The following HSPA12A variants were observed in gnomAD, a reference collection of about 807,000 sequenced individuals.
The protein encoded by HSPA12A is heat shock protein family A (Hsp70) member 12A, also known as heat shock 70 kDa protein 12A.
Under a neutral mutation model 69.2 loss-of-function variants are expected in HSPA12A, and 28 were observed. That is an observed-to-expected ratio of 0.40 (90% CI 0.30 to 0.55). HSPA12A has a LOEUF of 0.55. Among genes scored for constraint, HSPA12A ranks in the 20% least tolerant of loss-of-function variants. The pLI, the probability that HSPA12A is intolerant of heterozygous loss-of-function variation, is 0.38. For missense variants in HSPA12A, 686 were observed against 900.7 expected (o/e 0.76, Z 3.05); for synonymous variants, 345 against 370.5 (o/e 0.93, Z 0.79).
chr10:116,746,245 C>T (rs1236695999), upstream of HSPA12A, among the ~76,000 whole-genome samples: 2 of 152,244 alleles, frequency 1.3e-5, no homozygotes, highest in East Asian at 3.9e-4. Flanking sequence ...AAGTCAGAGT[C>T]CAGAGGCAGG....
chr10:116,849,840 C>A, upstream of HSPA12A: 2 of 1,268,896 alleles, frequency 1.6e-6, no homozygotes, highest in Non-Finnish European at 2.2e-6. Context: ...GCATGCCAGC[C>A]GCCCGGGCCC....
At chr10:116,691,731 C>A (rs1849743547) in intron 6 of HSPA12A, among the ~76,000 whole-genome samples, 1 of 152,228 alleles carries the variant, frequency 6.6e-6, no homozygotes, top group South Asian at 2.1e-4. Flanking sequence ...ATGGGCTGGC[C>A]ACTGGCACTG....
chr10:116,755,559 C>T (rs1843817810), intron 2 of HSPA12A, among the ~76,000 whole-genome samples: 1 of 147,768 alleles, frequency 6.8e-6, no homozygotes, highest in Non-Finnish European at 1.5e-5. Flanking sequence ...TTGCAGTGAG[C>T]CAAGATCGTG....
At position 116,672,462 on chromosome 10, in the gene HSPA12A, C is replaced by G. The variant is rs1849112678; in HGVS notation, c.*2319G>C. ...GAAGGGTCTGATGAGGCTCCTGATC[C>G]AGGCGGTCCACGTGCGTTCAGTGTG... On this transcript the variant is annotated 3_prime_UTR_variant, in exon 12 of 12. Coordinates refer to ENST00000369209, the MANE Select transcript of HSPA12A (RefSeq NM_025015.3). 1 of 152,222 alleles carries G rather than the reference C, an allele frequency of 6.6e-6. No individual in the cohort carries two copies. Among genetic ancestry groups the G allele is most frequent in the South Asian group, 2.1e-4 (1 of 4,820 alleles). 9.4% of individuals were successfully genotyped at this position (152,222 alleles called of 1,614,324 possible).
intron 1 of HSPA12A, among the ~76,000 whole-genome samples, chr10:116,734,446 T>G (rs1430848213): frequency 2.3e-5 from 3 of 128,588 alleles, no homozygotes; most frequent in Admixed American, 1.6e-4. Context: ...CGAGACTCTG[T>G]CTAAAAAAAA....
chr10:116,681,623 A>G (rs1400028049), intron 8 of HSPA12A, among the ~76,000 whole-genome samples, 168 bp downstream of exon 8: 1 of 152,222 alleles, frequency 6.6e-6, no homozygotes, highest in Admixed American at 6.5e-5. Context: ...ACCTGGTTTT[A>G]CAACATGCAA....
intron 1 of HSPA12A, among the ~76,000 whole-genome samples, chr10:116,733,637 C>T (rs1256603323): frequency 2.0e-5 from 3 of 152,194 alleles, no homozygotes; most frequent in African/African-American, 7.2e-5. Flanking sequence ...AAATTCTGAA[C>T]ATAACTGACA....
At chr10:116,826,669 C>T (rs1048271593) in intron 2 of HSPA12A, among the ~76,000 whole-genome samples, 1 of 152,116 alleles carries the variant, frequency 6.6e-6, no homozygotes, top group African/African-American at 2.4e-5. Flanking sequence ...ATCAAATCAC[C>T]CATAATTTCT....
intron 2 of HSPA12A, among the ~76,000 whole-genome samples, chr10:116,803,447 C>T (rs1352335172): frequency 1.3e-5 from 2 of 152,178 alleles, no homozygotes; most frequent in African/African-American, 2.4e-5. Flanking sequence ...GGTATCTAAC[C>T]CCGCAGGCAC....
chr10:116,677,339 C>T (rs1325002216), intron 10 of HSPA12A, among the ~76,000 whole-genome samples: 1 of 152,190 alleles, frequency 6.6e-6, no homozygotes, highest in Non-Finnish European at 1.5e-5. Context: ...AAAGTGCACA[C>T]CAGCAGCTTC....
intron 2 of HSPA12A, among the ~76,000 whole-genome samples, chr10:116,796,641 T>C (rs569053107): frequency 4.6e-5 from 7 of 152,294 alleles, no homozygotes; most frequent in South Asian, 4.2e-4. Flanking sequence ...CGTTTAACAC[T>C]GAAAGGGAAA....
intron 5 of HSPA12A, among the ~76,000 whole-genome samples, chr10:116,695,408 G>C (rs3010469): frequency 0.52 from 79,288 of 151,552 alleles, 21,087 homozygotes; most frequent in Middle Eastern, 0.64. Context: ...TTGCGGCCAG[G>C]TGTGGTGGCT....
chr10:116,732,434 C>G (rs1174834205), intron 1 of HSPA12A, among the ~76,000 whole-genome samples: 2 of 152,066 alleles, frequency 1.3e-5, no homozygotes, highest in African/African-American at 4.8e-5. Context: ...CAGGAACCAG[C>G]CCTGGATCCT....
intron 1 of HSPA12A, among the ~76,000 whole-genome samples, chr10:116,849,203 G>A (rs1392077230): frequency 6.6e-6 from 1 of 152,216 alleles, no homozygotes; most frequent in African/African-American, 2.4e-5. Flanking sequence ...CGCGACCCCA[G>A]CCGGAATTCG....
At chr10:116,734,759 C>T (rs563693437) in intron 1 of HSPA12A, among the ~76,000 whole-genome samples, 131 of 150,918 alleles carry the variant, frequency 8.7e-4, no homozygotes, top group African/African-American at 3.0e-3. Context: ...TTTGGGAGGC[C>T]GAGGAGGGCA....
intron 2 of HSPA12A, among the ~76,000 whole-genome samples, chr10:116,780,981 C>G (rs1554891746): frequency 6.6e-6 from 1 of 152,192 alleles, no homozygotes; most frequent in African/African-American, 2.4e-5. Context: ...TAGCCCCATC[C>G]TGGCTGGGTG....
intron 1 of HSPA12A, among the ~76,000 whole-genome samples, chr10:116,741,661 T>G (rs1378028625): frequency 1.3e-5 from 2 of 151,748 alleles, no homozygotes; most frequent in East Asian, 4.0e-4. Context: ...GCAACCCCCT[T>G]CCCCGTCCTC....
chr10:116,712,229 A>G (rs562853384), intron 1 of HSPA12A, among the ~76,000 whole-genome samples: 1 of 152,346 alleles, frequency 6.6e-6, no homozygotes, highest in East Asian at 1.9e-4. Context: ...GAACATAAAA[A>G]TAAGGTGATG....
chr10:116,812,023 T>C (rs1845199118), intron 2 of HSPA12A, among the ~76,000 whole-genome samples: 2 of 152,170 alleles, frequency 1.3e-5, no homozygotes, highest in South Asian at 4.1e-4. Flanking sequence ...CCACTCGTCT[T>C]CTGGAACAAA....
Sources: allele counts gnomAD v4.1 joint callset (sites outside exome capture counted in the v4.1 genomes callset), GRCh38; gene constraint gnomAD v4.1.1; transcripts MANE v1.5; gene names NCBI Gene and HGNC (gene_info 2026-07-23, HGNC 2026-07-21).